LTBP2: variants seen among roughly 807,000 people sequenced by gnomAD.
LTBP2 encodes the protein latent transforming growth factor beta binding protein 2.
A neutral mutation model predicts 210.6 loss-of-function variants in LTBP2; 103 were observed. The observed-to-expected ratio is 0.49, with a 90% CI of 0.42 to 0.58. The LOEUF is 0.58. LTBP2 is among the 20% of genes least tolerant of loss of function. The pLI, the probability that LTBP2 is intolerant of heterozygous loss-of-function variation, is 0.00. For missense variants in LTBP2, 2,313 were observed against 2,494.5 expected (o/e 0.93, Z 1.55); for synonymous variants, 1,007 against 1,015.0 (o/e 0.99, Z 0.15).
intron 2 of LTBP2, among the ~76,000 whole-genome samples, chr14:74,601,200 G>T (rs954858787): frequency 6.6e-6 from 1 of 152,084 alleles, no homozygotes; most frequent in African/African-American, 2.4e-5. Context: ...TTTCCAATAA[G>T]GTGTGTGGCC....
chr14:74,565,565 G>T (rs139336228), intron 3 of LTBP2, among the ~76,000 whole-genome samples: 14 of 152,308 alleles, frequency 9.2e-5, no homozygotes, highest in African/African-American at 3.1e-4. Context: ...CAAGAGCCAA[G>T]ATCTCAACAT....
intron 28 of LTBP2, among the ~76,000 whole-genome samples, 195 bp from the exon 29 acceptor site, chr14:74,505,369 T>TAA (rs898831115): frequency 1.3e-5 from 2 of 152,234 alleles, no homozygotes; most frequent in African/African-American, 4.8e-5. Context: ...AATTGAGGCT[T>TAA]AGAGAGGCTT....
intron 3 of LTBP2, among the ~76,000 whole-genome samples, chr14:74,571,035 T>TAA (rs372564901): frequency 2.1e-4 from 30 of 140,412 alleles, no homozygotes; most frequent in African/African-American, 6.8e-4. Context: ...TTCTTTATAT[T>TAA]AAAAAAAAAA....
In LTBP2 at chr14:74,506,752, G is replaced by C. The variant is rs758023418; in HGVS notation, c.3979C>G (p.Arg1327Gly). The C allele has an allele frequency of 1.2e-5, 19 of 1,613,906 alleles. No individual in the cohort carries two copies. Among genetic ancestry groups the C allele is most frequent in the African/African-American group, 4.0e-5 (3 of 74,940 alleles). Residue 1327 changes from arginine to glycine, a missense_variant, in exon 27 of 36, where the codon CGC becomes GGC. This residue lies in a region of LTBP2 where 1,867 missense variants were observed against 1,976.9 expected (regional missense o/e 0.94). Transcript: ENST00000261978. ...TCGAAGCCCTGGTCACAGAGGCAGC[G>C]GAAGGAGCCATCAGTGTTGTCACAG... ...GFCDNTDGSF[R>G]CLCDQGFEIS...
rs1477911090 is a variant in LTBP2, at chr14:74,502,867, C to T, written c.4956G>A (p.Arg1652=). 6.2e-7 allele frequency: 1 copy of T among 1,613,880 alleles called. No homozygotes were observed. Among genetic ancestry groups the T allele is most frequent in the Non-Finnish European group, 8.5e-7 (1 of 1,180,020 alleles). Residue 1652 remains arginine, a synonymous_variant, in exon 34 of 36, where the codon CGG becomes CGA. Coordinates refer to ENST00000261978, the MANE Select transcript of LTBP2 (RefSeq NM_000428.3). The part of the protein sequence containing the change: ...EAEREAGVHF[R]PGYEYGPGPD... ...GCCCGGGGCCATACTCATAGCCTGG[C>T]CGGAAGTGGACCCCGGCCTCCCGCT...
chr14:74,544,837 C>T lies in LTBP2; in HGVS notation c.1789+5026G>A, dbSNP rs1361281644. On this transcript the variant is annotated intron_variant, in intron 8 of 35. Coordinates refer to ENST00000261978, the MANE Select transcript of LTBP2 (RefSeq NM_000428.3). ...AGGCACAACCCATTTTATTGCTGGG[C>T]GCCTGCAGTTTTTAATAAGTTGTCC... Among the ~76,000 whole-genome samples, 9 of 152,262 alleles carry T rather than the reference C, an allele frequency of 5.9e-5. No homozygotes were observed. In the East Asian group the frequency reaches 1.7e-3, roughly 29 times the overall value.
Position 74,585,906 on chromosome 14 carries a change from C to T in LTBP2, c.778G>A (p.Ala260Thr), listed in dbSNP as rs758651848. ...GGCGACTGTGGTGCTGGCGGCTGTG[C>T]TCTGGCCAAGGTGCCCTCTCCAGCC... is the stretch of plus-strand genomic sequence containing the variant. ...SAAGEGTLARAQPPAPQSPPA... is the reference protein window; with the variant it reads ...SAAGEGTLARTQPPAPQSPPA... Residue 260 changes from alanine (A) to threonine (T), a missense_variant, in exon 3 of 36, where the codon GCA becomes ACA. Physicochemically the swap from Ala to Thr is moderately conservative, Grantham distance 58. This residue lies in a region of LTBP2 where 1,867 missense variants were observed against 1,976.9 expected (regional missense o/e 0.94). Coordinates refer to ENST00000261978, the MANE Select transcript of LTBP2 (RefSeq NM_000428.3). The T allele has an allele frequency of 1.2e-6, 2 of 1,613,138 alleles. No homozygotes were observed. The highest frequency in any genetic ancestry group is 8.5e-7 in the Non-Finnish European group (1 of 1,179,924).
In LTBP2 at chr14:74,500,608, GC is replaced by G. The variant is rs1294366902; in HGVS notation, c.*275del. On this transcript the variant is annotated 3_prime_UTR_variant, in exon 36 of 36. Transcript: ENST00000261978. ...GTGGATGAGGGCCATCCTTTGGTAAGCATCCCATAGCAAGGCCAGGAAAGGT... is the reference window on the plus strand; with the variant it reads ...GTGGATGAGGGCCATCCTTTGGTAAGATCCCATAGCAAGGCCAGGAAAGGT... 7 of 540,494 alleles carry G rather than the reference GC, an allele frequency of 1.3e-5. No homozygotes were observed. The highest frequency in any genetic ancestry group is 1.7e-5 in the Non-Finnish European group (5 of 297,166). 33.5% of individuals were successfully genotyped at this position (540,494 alleles called of 1,614,324 possible).
Position 74,513,515 on chromosome 14 carries a change from G to A in LTBP2, c.2909-2151C>T, listed in dbSNP as rs530697227. Among the ~76,000 whole-genome samples, 104 of 152,330 alleles carry A rather than the reference G, an allele frequency of 6.8e-4. 1 individual carries two copies. The South Asian group carries it at 0.021, about 30-fold the overall frequency. ...TGTGGCACTGATGAGATAGAAACTT[G>A]GCTGCTGCTGGGCATGGTGACTCGC... is the stretch of plus-strand genomic sequence containing the variant. On this transcript the variant is annotated intron_variant, in intron 18 of 35. Coordinates refer to ENST00000261978, the MANE Select transcript of LTBP2 (RefSeq NM_000428.3).
At chr14:74,598,961 G>A (rs2088408638) in intron 2 of LTBP2, among the ~76,000 whole-genome samples, 1 of 152,126 alleles carries the variant, frequency 6.6e-6, no homozygotes, top group Non-Finnish European at 1.5e-5. Context: ...ACAGACAGCC[G>A]ACCTCATTTG....
chr14:74,505,823 GCCT>G (rs1402004288), intron 28 of LTBP2, among the ~76,000 whole-genome samples: 1 of 152,138 alleles, frequency 6.6e-6, no homozygotes, highest in African/African-American at 2.4e-5. Flanking sequence ...GGTTTCCTGA[GCCT>G]CCTCTAGGAT....
At chr14:74,512,666 C>T (rs530800960) in intron 18 of LTBP2, among the ~76,000 whole-genome samples, 8 of 152,326 alleles carry the variant, frequency 5.3e-5, no homozygotes, top group East Asian at 1.9e-4. Flanking sequence ...GTCCAGAAGA[C>T]GGGGACATCG....
rs1052476044 is a variant in LTBP2 at position 74,599,664 on chromosome 14, C to A, written c.565+3971G>T. Among the ~76,000 whole-genome samples the A allele has an allele frequency of 2.0e-5, 3 of 152,264 alleles. No individual in the cohort carries two copies. In the East Asian group the frequency reaches 5.8e-4, roughly 29 times the overall value. The stretch of plus-strand genomic sequence containing the variant: ...GAGATGGCGGCCCAGCTCTAGCCCC[C>A]GCCAAGGTGGAAGGAGGGGCTGGGC... On this transcript the variant is annotated intron_variant, in intron 2 of 35. Transcript: ENST00000261978.
intron 3 of LTBP2, among the ~76,000 whole-genome samples, chr14:74,576,866 GT>G (rs1167559752): frequency 6.6e-6 from 1 of 152,186 alleles, no homozygotes; most frequent in African/African-American, 2.4e-5. Flanking sequence ...CAGCTAAAAA[GT>G]AATAACAAGC....
rs896187750 is a variant in LTBP2 at position 74,498,530 on chromosome 14, T to TA, written c.*2353dup. ...AATGAGGCAGCTCTAATTGCAAGTA[T>TA]AAAAAAAAAGCAAAGTGCAGAACAG... On this transcript the variant is annotated 3_prime_UTR_variant, in exon 36 of 36. Coordinates refer to ENST00000261978, the MANE Select transcript of LTBP2 (RefSeq NM_000428.3). The TA allele has an allele frequency of 3.4e-4, 76 of 222,374 alleles. No homozygotes were observed. Among genetic ancestry groups the TA allele is most frequent in the South Asian group, 5.5e-4 (3 of 5,406 alleles). The allele number at this position is 222,374 out of a possible 1,614,324, so 13.8% of individuals were successfully genotyped here. A position where few individuals can be genotyped will look rare whatever the true frequency, so the allele number is the denominator to read the frequency against.
intron 3 of LTBP2, among the ~76,000 whole-genome samples, chr14:74,562,370 C>T (rs995899491): frequency 6.6e-6 from 1 of 152,176 alleles, no homozygotes; most frequent in Non-Finnish European, 1.5e-5. Flanking sequence ...CAATGCCTAT[C>T]AGGTGGCAGG....
intron 8 of LTBP2, among the ~76,000 whole-genome samples, chr14:74,545,398 G>A (rs1437966752): frequency 6.6e-6 from 1 of 152,230 alleles, no homozygotes; most frequent in Admixed American, 6.5e-5. Context: ...GCTATTCTTG[G>A]TTTAAGAGAG....
At chr14:74,573,154 G>A (rs1159236786) in intron 3 of LTBP2, among the ~76,000 whole-genome samples, 1 of 152,150 alleles carries the variant, frequency 6.6e-6, no homozygotes, top group African/African-American at 2.4e-5. Flanking sequence ...GGATGTTTCC[G>A]CACTTGCCTA....
rs1233910773 is a variant in LTBP2, at chr14:74,501,438, T to TA, written c.5320+2dup. On this transcript the variant is annotated splice_region_variant and intron_variant, in intron 35 of 35. Coordinates refer to ENST00000261978, the MANE Select transcript of LTBP2 (RefSeq NM_000428.3). ...GACTCCTCCATCAGAATTCTGCACT[T>TA]ACCTACGCAGGCCATGTGGGCCGCA... 2 of 1,614,050 alleles carry TA rather than the reference T, an allele frequency of 1.2e-6. No homozygotes were observed. The highest frequency in any genetic ancestry group is 2.2e-5 in the East Asian group (1 of 44,878).
Sources: gnomAD v4.1 joint callset for allele counts (sites outside exome capture counted in the v4.1 genomes callset) on GRCh38, gnomAD v4.1.1 for gene constraint, gnomAD v4.1.1 regional missense constraint, MANE v1.5 for transcripts, NCBI Gene and HGNC (gene_info 2026-07-23, HGNC 2026-07-21) for gene names.